The following PLPPR1 variants were observed in gnomAD, a reference collection of about 807,000 sequenced individuals.
The protein encoded by PLPPR1 is phospholipid phosphatase-related protein type 1.
PLPPR1 carries 10 observed loss-of-function variants against 33.1 expected under a neutral mutation model. The observed-to-expected ratio is 0.30, with a 90% confidence interval of 0.19 to 0.51. The LOEUF (loss-of-function observed/expected upper bound fraction) is 0.51, where lower values mean the gene tolerates loss of function less well. Among genes scored for constraint, PLPPR1 ranks in the 20% least tolerant of loss-of-function variants. The probability of loss-of-function intolerance (pLI) is 0.97; values close to 1 mark genes in which losing one functional copy is unlikely to be tolerated. For synonymous variants in PLPPR1, 151 were observed against 151.0 expected, an observed-to-expected ratio of 1.00 and a Z score of 0.00; for missense variants, 304 against 408.1, an observed-to-expected ratio of 0.74 and a Z score of 2.20.
intron 1 of PLPPR1, among the ~76,000 whole-genome samples, chr9:101,174,552 C>T (rs117498556): frequency 0.01 from 1,576 of 152,248 alleles, 10 homozygotes; most frequent in Middle Eastern, 0.02. Flanking sequence ...GATCATGTGG[C>T]TCTGACTTTG....
At chr9:101,277,587 G>A (rs1358479617) in intron 3 of PLPPR1, among the ~76,000 whole-genome samples, 1 of 152,104 alleles carries the variant, frequency 6.6e-6, no homozygotes, top group Non-Finnish European at 1.5e-5. Context: ...TCTCTTTTTG[G>A]CTCCTATCAT....
In PLPPR1 at chr9:101,270,066, A is replaced by G. The variant is rs768569090; in HGVS notation, c.250A>G (p.Ile84Val). 3 of 1,614,062 alleles carry G rather than the reference A, an allele frequency of 1.9e-6. No homozygotes were observed. ...TGTGCTGGCTGCCACCCCAACTGCT[A>G]TTGTAAGTACAGAAATAGACTTTCC... is the stretch of plus-strand genomic sequence containing the variant. ...YCVLAATPTA[I>V]IFIGEISMYF... Residue 84 changes from isoleucine (I) to valine (V), a missense_variant and splice_region_variant, in exon 3 of 8, where the codon ATT (isoleucine) becomes GTT (valine). Physicochemically the swap from Ile to Val is conservative, Grantham distance 29. Coordinates refer to ENST00000374874, the MANE Select transcript of PLPPR1 (RefSeq NM_207299.2).
chr9:101,204,890 T>G (rs1826560321), intron 2 of PLPPR1, among the ~76,000 whole-genome samples: 1 of 152,070 alleles, frequency 6.6e-6, no homozygotes, highest in Admixed American at 6.5e-5. Flanking sequence ...GAAGTTTAGG[T>G]TCTATCTTTG....
Position 101,087,398 on chromosome 9 carries a change from T to C in PLPPR1, c.-46+58296T>C, listed in dbSNP as rs571397808. Reference sequence around the variant, plus strand: ...CTCATTGTCATCTTCATTTTTCTACTAAAAGTCTCCATACATGTTATTCAG... The same window carrying C: ...CTCATTGTCATCTTCATTTTTCTACCAAAAGTCTCCATACATGTTATTCAG... On this transcript the variant is annotated intron_variant, in intron 1 of 7. Transcript: ENST00000374874. Among the ~76,000 whole-genome samples the C allele has an allele frequency of 3.3e-5, 5 of 152,276 alleles. No individual in the cohort carries two copies. In the East Asian group the frequency reaches 9.7e-4, roughly 29 times the overall value.
intron 2 of PLPPR1, among the ~76,000 whole-genome samples, chr9:101,236,631 A>G (rs1827305758): frequency 6.6e-6 from 1 of 151,572 alleles, no homozygotes; most frequent in South Asian, 2.1e-4. Context: ...GTTAACGTGT[A>G]ATAACTGTAC....
At chr9:101,242,243 T>C (rs1827485949) in intron 2 of PLPPR1, among the ~76,000 whole-genome samples, 1 of 151,398 alleles carries the variant, frequency 6.6e-6, no homozygotes, top group South Asian at 2.1e-4. Context: ...TGGAATTCTT[T>C]TTTTTTTTTT....
chr9:101,113,895 A>G (rs1158398172), intron 1 of PLPPR1, among the ~76,000 whole-genome samples: 2 of 152,210 alleles, frequency 1.3e-5, no homozygotes, highest in African/African-American at 2.4e-5. Flanking sequence ...AATGAAGGCA[A>G]ACTTGGAAAG....
intron 2 of PLPPR1, among the ~76,000 whole-genome samples, chr9:101,207,216 T>G (rs1405121441): frequency 6.6e-6 from 1 of 152,040 alleles, no homozygotes; most frequent in Non-Finnish European, 1.5e-5. Flanking sequence ...GATAAACCTT[T>G]AAAAAAAATC....
chr9:101,265,110 A>G (rs1309718826), intron 2 of PLPPR1, among the ~76,000 whole-genome samples: 1 of 152,184 alleles, frequency 6.6e-6, no homozygotes, highest in Non-Finnish European at 1.5e-5. Flanking sequence ...TGACCTTCAC[A>G]ATTATTGCTC....
chr9:101,079,865 C>T (rs535697024), intron 1 of PLPPR1, among the ~76,000 whole-genome samples: 2 of 152,318 alleles, frequency 1.3e-5, no homozygotes, highest in East Asian at 3.9e-4. Context: ...GCATGAGCCA[C>T]CACGCCCAGC....
At chr9:101,099,092 G>GGT (rs1352777517) in intron 1 of PLPPR1, among the ~76,000 whole-genome samples, 2 of 146,240 alleles carry the variant, frequency 1.4e-5, no homozygotes, top group South Asian at 2.1e-4. Context: ...TAATGGATGT[G>GGT]GTGTGTGTGT....
At position 101,317,397 on chromosome 9, in the gene PLPPR1, G is replaced by A. The variant is rs533546396; in HGVS notation, c.846G>A (p.Thr282=). ...GTGTGGTTCATAACTTTAAAGGAAC[G>A]CAAGGATCTCCTTCCAAACCCAAGC... The part of the protein sequence containing the change: ...GMCVVHNFKG[T]QGSPSKPKPE... Residue 282 remains threonine, a synonymous_variant, in exon 7 of 8, where the codon ACG becomes ACA. Coordinates refer to ENST00000374874, the MANE Select transcript of PLPPR1 (RefSeq NM_207299.2). 48 of 1,614,012 alleles carry A rather than the reference G, an allele frequency of 3.0e-5. No homozygotes were observed. The highest frequency in any genetic ancestry group is 2.0e-4 in the South Asian group (18 of 91,076).
At chr9:101,077,817 A>G (rs1781047570) in intron 1 of PLPPR1, among the ~76,000 whole-genome samples, 1 of 151,964 alleles carries the variant, frequency 6.6e-6, no homozygotes, top group Non-Finnish European at 1.5e-5. Context: ...AGAAAGGGCA[A>G]TTTCCAAAAG....
chr9:101,073,899 G>A (rs753164585), intron 1 of PLPPR1, among the ~76,000 whole-genome samples: 2 of 151,794 alleles, frequency 1.3e-5, no homozygotes, highest in African/African-American at 2.4e-5. Context: ...AGAAGATGAA[G>A]CCATGAATAT....
chr9:101,066,723 C>G (rs901473509), intron 1 of PLPPR1, among the ~76,000 whole-genome samples: 1 of 151,990 alleles, frequency 6.6e-6, no homozygotes, highest in Non-Finnish European at 1.5e-5. Context: ...CACTTCCTTA[C>G]TTTCTGGCAC....
rs958905051 is a variant in PLPPR1, at chr9:101,050,258, T to C, written c.-46+21156T>C. Among the ~76,000 whole-genome samples, 11 of 152,150 alleles carry C rather than the reference T, an allele frequency of 7.2e-5. No individual in the cohort carries two copies. The East Asian group carries it at 1.4e-3, about 19-fold the overall frequency. ...GATCTGTGATTCTGTGAGTTCCAAATTGATTTGATTTTTCCTCAATGTCTT... is the reference window on the plus strand; with the variant it reads ...GATCTGTGATTCTGTGAGTTCCAAACTGATTTGATTTTTCCTCAATGTCTT... On this transcript the variant is annotated intron_variant, in intron 1 of 7. Transcript: ENST00000374874.
chr9:101,053,167 C>T (rs1416023846), intron 1 of PLPPR1, among the ~76,000 whole-genome samples: 2 of 152,140 alleles, frequency 1.3e-5, no homozygotes, highest in Non-Finnish European at 2.9e-5. Flanking sequence ...TACCTTCCCT[C>T]ACAAAAAATG....
At chr9:101,217,137 T>C (rs1387625876) in intron 2 of PLPPR1, among the ~76,000 whole-genome samples, 1 of 152,088 alleles carries the variant, frequency 6.6e-6, no homozygotes, top group Non-Finnish European at 1.5e-5. Flanking sequence ...AGTAATATCA[T>C]TAAAAATAAC....
At chr9:101,062,271 A>G (rs1466367202) in intron 1 of PLPPR1, among the ~76,000 whole-genome samples, 1 of 151,946 alleles carries the variant, frequency 6.6e-6, no homozygotes, top group African/African-American at 2.4e-5. Context: ...CCTCAATGCA[A>G]GCTGAAAAAT....
Sources: gnomAD v4.1 joint callset for allele counts (sites outside exome capture counted in the v4.1 genomes callset) on GRCh38, gnomAD v4.1.1 for gene constraint, MANE v1.5 for transcripts, NCBI Gene and HGNC (gene_info 2026-07-23, HGNC 2026-07-21) for gene names.